PIGO: variants seen among roughly 807,000 people sequenced by gnomAD.
PIGO encodes phosphatidylinositol glycan anchor biosynthesis class O.
In PIGO, 66 loss-of-function variants were observed where a neutral mutation model predicts 86.9. The observed-to-expected ratio is 0.76, with a 90% CI of 0.62 to 0.93. The LOEUF (loss-of-function observed/expected upper bound fraction) is 0.93. Among genes scored for constraint, PIGO ranks in the 40% least tolerant of loss-of-function variants. The probability of loss-of-function intolerance (pLI) is 0.00; values close to 1 mark genes in which losing one functional copy is unlikely to be tolerated. For missense variants in PIGO, 1,202 were observed against 1,359.1 expected (o/e 0.88, Z 1.82); for synonymous variants, 570 against 556.4 (o/e 1.02, Z -0.34).
chr9:35,090,722 A>G, intron 7 of PIGO, 50 bp from the exon 8 acceptor site: 2 of 1,556,748 alleles, frequency 1.3e-6, no homozygotes, highest in Non-Finnish European at 8.8e-7. Context: ...TCCCTAATCC[A>G]TAGGCTACTG....
intron 7 of PIGO, 60 bp downstream of exon 7, chr9:35,091,180 C>T (rs796768665): frequency 5.3e-6 from 8 of 1,495,730 alleles, no homozygotes; most frequent in Middle Eastern, 3.6e-4. Flanking sequence ...TCCTTGAAAA[C>T]AAGAGGGGCC....
intron 4 of PIGO, 94 bp from the exon 5 acceptor site, chr9:35,093,674 C>T: frequency 6.9e-7 from 1 of 1,451,620 alleles, no homozygotes; most frequent in Non-Finnish European, 9.2e-7. Context: ...TCATCCCCAG[C>T]TATAACTCCA....
At position 35,094,545 on chromosome 9, in the gene PIGO, C is replaced by T. The variant is rs190300742; in HGVS notation, c.512-186G>A. On this transcript the variant is annotated intron_variant, in intron 2 of 10. Transcript: ENST00000378617. ...CCACCAGGAAGCTTTCCCTGATAAC[C>T]GTACTCCACCCAGACCTCACACTTA... Among the ~76,000 whole-genome samples, 827 of 152,304 alleles carry T rather than the reference C, an allele frequency of 5.4e-3. 6 individuals carry two copies. Among genetic ancestry groups the T allele is most frequent in the Non-Finnish European group, 7.7e-3 (524 of 68,032 alleles).
chr9:35,093,492 T>C lies in PIGO; in HGVS notation c.868A>G (p.Ser290Gly). The C allele has an allele frequency of 1.2e-6, 2 of 1,614,154 alleles. No individual in the cohort carries two copies. The highest frequency in any genetic ancestry group is 2.2e-5 in the South Asian group (2 of 91,076). The change falls in exon 5 of 11, where the codon AGT becomes GGT. Residue 290 changes from serine to glycine, a missense_variant. By Grantham distance (56) the Ser-to-Gly change is moderately conservative. Coordinates refer to ENST00000378617, the MANE Select transcript of PIGO (RefSeq NM_032634.4). ...MTTNGDHGGDSELEVSAALFL... is the reference protein window; with the variant it reads ...MTTNGDHGGDGELEVSAALFL... ...AGAGCAGCTGAGACCTCCAGCTCAC[T>C]GTCCCCTCCATGGTCTCCATTTGTG...
At position 35,094,487 on chromosome 9, in the gene PIGO, C is replaced by G. The variant is rs117845087; in HGVS notation, c.512-128G>C. The G allele has an allele frequency of 2.4e-5, 25 of 1,057,960 alleles. No homozygotes were observed. The East Asian group carries it at 6.4e-4, about 27-fold the overall frequency. The allele number at this position is 1,057,960 out of a possible 1,614,324, so 65.5% of individuals were successfully genotyped here. On this transcript the variant is annotated intron_variant, in intron 2 of 10. Transcript: ENST00000378617. Reference sequence around the variant, plus strand: ...CAACCTAAAGTACAGCAATTCCATACAGCAATCCTTATCCTTCAGGGCCTA... The same window carrying G: ...CAACCTAAAGTACAGCAATTCCATAGAGCAATCCTTATCCTTCAGGGCCTA...
Position 35,091,328 on chromosome 9 carries a change from C to T in PIGO, c.2559G>A (p.Glu853=). 1 of 1,614,194 alleles carries T rather than the reference C, an allele frequency of 6.2e-7. No individual in the cohort carries two copies. Among genetic ancestry groups the T allele is most frequent in the Non-Finnish European group, 8.5e-7 (1 of 1,180,034 alleles). The change falls in exon 7 of 11, where the codon GAG becomes GAA. Residue 853 remains glutamate, a synonymous_variant. Transcript: ENST00000378617. ...GAAGCAGGAACACAAGGCTGATGCG[C>T]TCCGCATGCAACAGCAGAAGTGGGA... ...LAFPLLLLHA[E]RISLVFLLLF...
chr9:35,089,760 C>T, intron 9 of PIGO: 2 of 1,392,536 alleles, frequency 1.4e-6, no homozygotes, highest in Non-Finnish European at 1.9e-6. Flanking sequence ...GATCCATGAC[C>T]ACAGTTTGGG....
Position 35,089,218 on chromosome 9 carries a change from G to C in PIGO, c.3144C>G (p.Phe1048Leu). Residue 1048 changes from phenylalanine to leucine, a missense_variant, in exon 11 of 11, where the codon TTC (phenylalanine) becomes TTG (leucine). Coordinates refer to ENST00000378617, the MANE Select transcript of PIGO (RefSeq NM_032634.4). ...CAATGAAGCCCACAGCCTCAAATAT[G>C]AACCTGCAAAGAAAGGCGGAGAATC... The part of the protein sequence containing the change: ...LMVWKVFAPK[F>L]IFEAVGFIVS... 1 of 1,614,208 alleles carries C rather than the reference G, an allele frequency of 6.2e-7. No individual in the cohort carries two copies. Among genetic ancestry groups the C allele is most frequent in the South Asian group, 1.1e-5 (1 of 91,078 alleles).
Position 35,088,972 on chromosome 9 carries a change from G to A in PIGO, c.*120C>T. The A allele has an allele frequency of 7.2e-7, 1 of 1,381,340 alleles. No individual in the cohort carries two copies. The highest frequency in any genetic ancestry group is 9.9e-7 in the Non-Finnish European group (1 of 1,012,146). 85.6% of individuals were successfully genotyped at this position (1,381,340 alleles called of 1,614,324 possible). On this transcript the variant is annotated 3_prime_UTR_variant, in exon 11 of 11. Coordinates refer to ENST00000378617, the MANE Select transcript of PIGO (RefSeq NM_032634.4). ...AAGTCCTAGATGTCAGCGGCCCCTG[G>A]CTGCATGATAGTAAGAGTATGGCTG...
Position 35,092,111 on chromosome 9 carries a change from G to A in PIGO, c.1776C>T (p.Gly592=). 1 of 1,614,218 alleles carries A rather than the reference G, an allele frequency of 6.2e-7. No homozygotes were observed. ...LLLVVQLHWE[G]QLLPPKLLTM... ...TGAGTAGCTTAGGTGGAAGCAGCTG[G>A]CCCTCCCAGTGAAGCTGGACAACCA... The change falls in exon 7 of 11, where the codon GGC becomes GGT. Residue 592 remains glycine, a synonymous_variant. Coordinates refer to ENST00000378617, the MANE Select transcript of PIGO (RefSeq NM_032634.4).
rs1396494796 is a variant in PIGO at position 35,092,157 on chromosome 9, A to G, written c.1730T>C (p.Leu577Ser). 6.2e-7 allele frequency: 1 copy of G among 1,614,216 alleles called. No individual in the cohort carries two copies. Among genetic ancestry groups the G allele is most frequent in the East Asian group, 2.2e-5 (1 of 44,884 alleles). The change falls in exon 7 of 11, where the codon TTG becomes TCG. Residue 577 changes from leucine (L) to serine (S), a missense_variant. Physicochemically the swap from Leu to Ser is moderately radical, Grantham distance 145. Transcript: ENST00000378617. ...VAEARATPFLLGSFILLLVVQ... is the reference protein window; with the variant it reads ...VAEARATPFLSGSFILLLVVQ... Reference sequence around the variant, plus strand: ...AACCAGGAGCAGGATGAATGAGCCCAAAAGGAAGGGGGTGGCCCTGGCCTC... The same window carrying G: ...AACCAGGAGCAGGATGAATGAGCCCGAAAGGAAGGGGGTGGCCCTGGCCTC...
rs886443571 is a variant in PIGO, at chr9:35,094,153, T to C, written c.655+63A>G. 10 of 1,556,370 alleles carry C rather than the reference T, an allele frequency of 6.4e-6. No individual in the cohort carries two copies. The Admixed American group carries it at 8.1e-5, about 13-fold the overall frequency. On this transcript the variant is annotated intron_variant, in intron 3 of 10. Transcript: ENST00000378617. ...ACACCCATAGGTGGCTCAGAATTTG[T>C]GGACTAAAGCAGTTCTCCCCAGCTC...
intron 9 of PIGO, 157 bp downstream of exon 9, chr9:35,089,909 G>A (rs913663059): frequency 9.1e-6 from 13 of 1,433,374 alleles, no homozygotes; most frequent in Admixed American, 8.4e-5. Flanking sequence ...CCAGGTTCAA[G>A]TCTCAGAACT....
rs139306646 is a variant in PIGO, at chr9:35,095,738, G to T, written c.-1-172C>A. Reference sequence around the variant, plus strand: ...TACTCTCCTCCTATTTCCAGGCTGGGCATGGTGGCTCACGCCTGTAATCCC... The same window carrying T: ...TACTCTCCTCCTATTTCCAGGCTGGTCATGGTGGCTCACGCCTGTAATCCC... On this transcript the variant is annotated intron_variant, in intron 1 of 10. Coordinates refer to ENST00000378617, the MANE Select transcript of PIGO (RefSeq NM_032634.4). 7.8e-4 allele frequency: 724 copies of T among 932,388 alleles called. 3 individuals carry two copies. The African/African-American group carries it at 0.01, about 13-fold the overall frequency. The allele number at this position is 932,388 out of a possible 1,614,324, so 57.8% of individuals were successfully genotyped here.
chr9:35,094,422 A>G lies in PIGO; in HGVS notation c.512-63T>C. 4 of 1,556,656 alleles carry G rather than the reference A, an allele frequency of 2.6e-6. No individual in the cohort carries two copies. In the East Asian group the frequency reaches 9.2e-5, roughly 36 times the overall value. On this transcript the variant is annotated intron_variant, in intron 2 of 10. Transcript: ENST00000378617. ...ACGTCAGGGTTAGGAGAAAAGAGGAAAAGAGGCCCTTTAAAGACCCATCAG... is the reference window on the plus strand; with the variant it reads ...ACGTCAGGGTTAGGAGAAAAGAGGAGAAGAGGCCCTTTAAAGACCCATCAG...
At chr9:35,094,474 C>A in intron 2 of PIGO, 115 bp from the exon 3 acceptor site, 1 of 1,190,362 alleles carries the variant, frequency 8.4e-7, no homozygotes, top group South Asian at 1.5e-5. Context: ...ACCTAAAGTA[C>A]AGCAATTCCA....
At chr9:35,089,826 C>T (rs952061275) in intron 9 of PIGO, 47 of 1,403,818 alleles carry the variant, frequency 3.3e-5, no homozygotes, top group Middle Eastern at 2.6e-4. Context: ...ATAGAGTAAT[C>T]CTCAAATGCA....
rs1829613218 is a variant in PIGO at position 35,095,220 on chromosome 9, G to A, written c.346C>T (p.His116Tyr). Reference protein sequence around the residue: ...SLQRILEIQPHHARLYRSQVD... With the variant: ...SLQRILEIQPYHARLYRSQVD... ...TGAGATCGGTAGAGCCGGGCATGGT[G>A]GGGCTGAATCTCCAGGATCCTCTGC... Residue 116 changes from histidine to tyrosine, a missense_variant, in exon 2 of 11, where the codon CAC (histidine) becomes TAC (tyrosine). Coordinates refer to ENST00000378617, the MANE Select transcript of PIGO (RefSeq NM_032634.4). 1 of 1,614,204 alleles carries A rather than the reference G, an allele frequency of 6.2e-7. No homozygotes were observed. The highest frequency in any genetic ancestry group is 1.6e-4 in the Middle Eastern group (1 of 6,062).
At chr9:35,093,370 T>C (rs1227000444) in intron 5 of PIGO, 51 bp downstream of exon 5, 1 of 1,611,358 alleles carries the variant, frequency 6.2e-7, no homozygotes, top group Admixed American at 1.7e-5. Flanking sequence ...GCTGTAATGG[T>C]AACATGGGCT....
Sources: gnomAD v4.1 joint callset for allele counts (sites outside exome capture counted in the v4.1 genomes callset) on GRCh38, gnomAD v4.1.1 for gene constraint, MANE v1.5 for transcripts, NCBI Gene and HGNC (gene_info 2026-07-23, HGNC 2026-07-21) for gene names.